Variants in UNC5D observed in about 807,000 individuals in gnomAD.
UNC5D encodes unc-5 netrin receptor D.
A neutral mutation model predicts 105.4 loss-of-function variants in UNC5D; 39 were observed. That is an observed-to-expected ratio of 0.37 (90% confidence interval 0.29 to 0.48). The LOEUF (loss-of-function observed/expected upper bound fraction) is 0.48, where lower values mean the gene tolerates loss of function less well. Among genes scored for constraint, UNC5D ranks in the 20% least tolerant of loss-of-function variants. UNC5D has a pLI of 0.98. For synonymous variants in UNC5D, 452 were observed against 450.4 expected, an observed-to-expected ratio of 1.00 and a Z score of -0.04; for missense variants, 991 against 1,202.4, an observed-to-expected ratio of 0.82 and a Z score of 2.60.
Position 35,562,806 on chromosome 8 carries a change from C to T in UNC5D, c.323-5292C>T, listed in dbSNP as rs559152883. ...CCTTTGCTGTTCAGAAGCTTTTTAG[C>T]TTGATGTAATCCTATTTGTCTATTT... On this transcript the variant is annotated intron_variant, in intron 2 of 16. Transcript: ENST00000404895. 7.9e-5 allele frequency among the ~76,000 whole-genome samples: 12 copies of T among 152,042 alleles called. No individual in the cohort carries two copies. The South Asian group carries it at 2.5e-3, about 31-fold the overall frequency.
chr8:35,469,165 G>A (rs1809528533), intron 1 of UNC5D, among the ~76,000 whole-genome samples: 1 of 152,162 alleles, frequency 6.6e-6, no homozygotes, highest in Non-Finnish European at 1.5e-5. Flanking sequence ...TATCAGACCT[G>A]TGTAGGTAAA....
chr8:35,767,134 C>A, intron 15 of UNC5D, 68 bp downstream of exon 15: 1 of 1,490,416 alleles, frequency 6.7e-7, no homozygotes, highest in Non-Finnish European at 9.0e-7. Flanking sequence ...AAAGCTATAC[C>A]TACCAGCCGT....
At chr8:35,387,410 C>G (rs920121500) in intron 1 of UNC5D, among the ~76,000 whole-genome samples, 1 of 149,832 alleles carries the variant, frequency 6.7e-6, no homozygotes, top group Non-Finnish European at 1.5e-5. Flanking sequence ...CTGCGTCCAT[C>G]TGATGCATTC....
intron 2 of UNC5D, among the ~76,000 whole-genome samples, chr8:35,559,988 G>A (rs1816845737): frequency 6.6e-6 from 1 of 152,206 alleles, no homozygotes; most frequent in Admixed American, 6.5e-5. Context: ...AGAGCAATTA[G>A]TCATCTGCTG....
In UNC5D at chr8:35,422,033, C is replaced by T. The variant is rs540206659; in HGVS notation, c.104-127259C>T. On this transcript the variant is annotated intron_variant, in intron 1 of 16. Coordinates refer to ENST00000404895, the MANE Select transcript of UNC5D (RefSeq NM_080872.4). ...TTTTTCAACAATTGTTACATTTTGG[C>T]TTTTTTAACTCTGAAATGATGTTTT... is the stretch of plus-strand genomic sequence containing the variant. Among the ~76,000 whole-genome samples, 5 of 152,240 alleles carry T rather than the reference C, an allele frequency of 3.3e-5. No homozygotes were observed. In the South Asian group the frequency reaches 1.0e-3, roughly 32 times the overall value.
chr8:35,272,112 CTG>C lies in UNC5D; in HGVS notation c.103+36228_103+36229del, dbSNP rs544459089. 4.6e-5 allele frequency among the ~76,000 whole-genome samples: 7 copies of C among 151,994 alleles called. No individual in the cohort carries two copies. In the South Asian group the frequency reaches 1.2e-3, roughly 27 times the overall value. Reference sequence around the variant, plus strand: ...AATTAATGCTAGGCTGTTTTTGAAACTGTGGGATTTTCATGAAAAGAAAAAAA... The same window carrying C: ...AATTAATGCTAGGCTGTTTTTGAAACTGGGATTTTCATGAAAAGAAAAAAA... On this transcript the variant is annotated intron_variant, in intron 1 of 16. Coordinates refer to ENST00000404895, the MANE Select transcript of UNC5D (RefSeq NM_080872.4).
intron 4 of UNC5D, among the ~76,000 whole-genome samples, chr8:35,632,588 G>GT (rs1198213049): frequency 1.3e-5 from 2 of 152,218 alleles, no homozygotes; most frequent in African/African-American, 4.8e-5. Flanking sequence ...GCATGCGGAG[G>GT]TAAGAGGAGA....
chr8:35,719,817 C>T (rs1828477624), intron 8 of UNC5D, among the ~76,000 whole-genome samples: 1 of 152,182 alleles, frequency 6.6e-6, no homozygotes, highest in Non-Finnish European at 1.5e-5. Context: ...ATCAAGCCAT[C>T]CCAGTGTCAG....
chr8:35,463,325 G>T (rs527895241), intron 1 of UNC5D, among the ~76,000 whole-genome samples: 1 of 152,220 alleles, frequency 6.6e-6, no homozygotes, highest in African/African-American at 2.4e-5. Context: ...GAAGTCTCTA[G>T]AGCTAATATG....
chr8:35,629,803 T>C (rs1024957241), intron 4 of UNC5D, among the ~76,000 whole-genome samples: 2 of 152,214 alleles, frequency 1.3e-5, no homozygotes, highest in African/African-American at 4.8e-5. Context: ...TGTGTTATAA[T>C]GTATTGTCTG....
At chr8:35,252,472 G>T (rs1360779124) in intron 1 of UNC5D, among the ~76,000 whole-genome samples, 1 of 151,942 alleles carries the variant, frequency 6.6e-6, no homozygotes, top group African/African-American at 2.4e-5. Context: ...CTAAACATAG[G>T]TTACTTTTGC....
intron 2 of UNC5D, among the ~76,000 whole-genome samples, chr8:35,564,996 C>T (rs533886778): frequency 6.6e-6 from 1 of 152,154 alleles, no homozygotes; most frequent in East Asian, 1.9e-4. Context: ...TATTTGTTGA[C>T]GGGCCCTTAG....
At chr8:35,577,817 T>A (rs923381178) in intron 3 of UNC5D, among the ~76,000 whole-genome samples, 1 of 152,210 alleles carries the variant, frequency 6.6e-6, no homozygotes, top group Non-Finnish European at 1.5e-5. Flanking sequence ...TACACCACTT[T>A]GATCAAGTAA....
chr8:35,483,031 G>A (rs1365167013), intron 1 of UNC5D, among the ~76,000 whole-genome samples: 1 of 151,932 alleles, frequency 6.6e-6, no homozygotes, highest in Non-Finnish European at 1.5e-5. Context: ...TAGAACTCTT[G>A]ACTTCAGGTG....
At chr8:35,597,569 G>C (rs1819566652) in intron 4 of UNC5D, among the ~76,000 whole-genome samples, 1 of 152,100 alleles carries the variant, frequency 6.6e-6, no homozygotes, top group Non-Finnish European at 1.5e-5. Context: ...AGTGTCCCCT[G>C]GTACACCCAT....
chr8:35,601,293 G>T (rs1296762419), intron 4 of UNC5D, among the ~76,000 whole-genome samples: 1 of 151,912 alleles, frequency 6.6e-6, no homozygotes, highest in African/African-American at 2.4e-5. Flanking sequence ...GCTCTTTTTT[G>T]GTTCCATATG....
intron 1 of UNC5D, among the ~76,000 whole-genome samples, chr8:35,371,462 G>C (rs1452344423): frequency 3.3e-5 from 5 of 152,092 alleles, no homozygotes; most frequent in Non-Finnish European, 7.3e-5. Flanking sequence ...AAAAAATATA[G>C]TGGGAAAGGG....
At position 35,285,715 on chromosome 8, in the gene UNC5D, G is replaced by A. The variant is rs143080643; in HGVS notation, c.103+49828G>A. Among the ~76,000 whole-genome samples the A allele has an allele frequency of 2.7e-4, 41 of 152,274 alleles. No homozygotes were observed. In the East Asian group the frequency reaches 6.8e-3, roughly 25 times the overall value. On this transcript the variant is annotated intron_variant, in intron 1 of 16. Coordinates refer to ENST00000404895, the MANE Select transcript of UNC5D (RefSeq NM_080872.4). Reference sequence around the variant, plus strand: ...CTTTCTGGGTGAGCCCCAGTGAAGGGTGTTTTACCTGTCTCTTGGGGTAAG... The same window carrying A: ...CTTTCTGGGTGAGCCCCAGTGAAGGATGTTTTACCTGTCTCTTGGGGTAAG...
At chr8:35,504,851 C>A (rs1812205052) in intron 1 of UNC5D, among the ~76,000 whole-genome samples, 2 of 152,148 alleles carry the variant, frequency 1.3e-5, no homozygotes, top group South Asian at 2.1e-4. Flanking sequence ...AGAATCCACC[C>A]TCCCCTCTTA....
Sources: gnomAD v4.1 joint callset for allele counts (sites outside exome capture counted in the v4.1 genomes callset) on GRCh38, gnomAD v4.1.1 for gene constraint, MANE v1.5 for transcripts, NCBI Gene and HGNC (gene_info 2026-07-23, HGNC 2026-07-21) for gene names.